The following FMN2 variants were observed in gnomAD, a reference collection of about 807,000 sequenced individuals.
FMN2 encodes the protein formin-2.
In FMN2, 51 loss-of-function variants were observed where a neutral mutation model predicts 142.3. That is an observed-to-expected ratio of 0.36 (90% CI 0.29 to 0.45). FMN2 has a LOEUF of 0.45. Among genes scored for constraint, FMN2 ranks in the 20% least tolerant of loss-of-function variants. The pLI, the probability that FMN2 is intolerant of heterozygous loss-of-function variation, is 1.00. For missense variants in FMN2, 1,936 were observed against 2,122.8 expected, an observed-to-expected ratio of 0.91 and a Z score of 1.73; for synonymous variants, 882 against 869.8, an observed-to-expected ratio of 1.01 and a Z score of -0.25.
intron 2 of FMN2, among the ~76,000 whole-genome samples, chr1:240,132,304 G>A (rs1186102483): frequency 6.6e-6 from 1 of 152,158 alleles, no homozygotes; most frequent in Non-Finnish European, 1.5e-5. Flanking sequence ...AAAATCATGA[G>A]CAAATAAATC....
intron 2 of FMN2, chr1:240,145,207 C>T: frequency 7.0e-7 from 1 of 1,430,018 alleles, no homozygotes; most frequent in African/African-American, 1.4e-5. Flanking sequence ...CAAGCATCTC[C>T]AGTTCATCTT....
intron 7 of FMN2, among the ~76,000 whole-genome samples, chr1:240,279,949 A>G (rs1014366836): frequency 6.6e-6 from 1 of 152,158 alleles, no homozygotes; most frequent in African/African-American, 2.4e-5. Flanking sequence ...TGTGGGTTTT[A>G]GATTTTTCAT....
In FMN2 at chr1:240,092,266, G is replaced by T; in HGVS notation, c.157G>T (p.Gly53Trp). ...GCTAGGCAAGCACGGCAAGGGGGGA[G>T]GGGGCGGCGGCGGCGGCGGGGAGTC... is the stretch of plus-strand genomic sequence containing the variant. ...KALGKHGKGG[G>W]GGGGGGESGK... The change falls in exon 1 of 18, where the codon GGG becomes TGG. Residue 53 changes from glycine (G) to tryptophan (W), a missense_variant. Around this residue, in one of 8 missense-constraint regions of FMN2, gnomAD observed 751 missense variants for 791.8 expected, o/e 0.95. Coordinates refer to ENST00000319653, the MANE Select transcript of FMN2 (RefSeq NM_020066.5). 5.3e-6 allele frequency: 8 copies of T among 1,516,422 alleles called. No homozygotes were observed. Among genetic ancestry groups the T allele is most frequent in the Non-Finnish European group, 7.0e-6 (8 of 1,136,186 alleles). 93.9% of individuals were successfully genotyped at this position (1,516,422 alleles called of 1,614,324 possible). A position where few individuals can be genotyped will look rare whatever the true frequency, so the allele number is the denominator to read the frequency against.
chr1:240,166,859 C>T (rs113414181), intron 2 of FMN2, among the ~76,000 whole-genome samples: 26,578 of 152,116 alleles, frequency 0.17, 2,502 homozygotes, highest in Middle Eastern at 0.27. Context: ...CAGCGGCTCA[C>T]GCCTGTAATC....
At position 240,207,697 on chromosome 1, in the gene FMN2, CA is replaced by C. The variant is rs768698094; in HGVS notation, c.2886del (p.Gly963AlafsTer312). 62 of 1,424,396 alleles carry C rather than the reference CA, an allele frequency of 4.4e-5. No individual in the cohort carries two copies. In the African/African-American group the frequency reaches 6.0e-4, roughly 14 times the overall value. 88.2% of individuals were successfully genotyped at this position (1,424,396 alleles called of 1,614,324 possible). A position where few individuals can be genotyped will look rare whatever the true frequency, so the allele number is the denominator to read the frequency against. ...CCCCCTCCGCCCCCTCTTCCCGGGG[CA>C]GGCATACCCCTTCCTCCCCCTCTTC... Reference protein sequence around the residue: ...AIPPPPPLPGAGIPLPPPLPG... With the variant: ...AIPPPPPLPGXGIPLPPPLPG... On this transcript the variant is annotated frameshift_variant, in exon 5 of 18. Coordinates refer to ENST00000319653, the MANE Select transcript of FMN2 (RefSeq NM_020066.5). LOFTEE classifies it high-confidence loss of function.
chr1:240,108,826 A>C lies in FMN2; in HGVS notation c.1616-14353A>C, dbSNP rs1199499802. On this transcript the variant is annotated intron_variant, in intron 1 of 17. Coordinates refer to ENST00000319653, the MANE Select transcript of FMN2 (RefSeq NM_020066.5). The stretch of plus-strand genomic sequence containing the variant: ...CGAGGCAGATGGATCATCTGAGGTC[A>C]GGAGTTCAAGATCAGCCTGGCCAAC... 3.3e-5 allele frequency among the ~76,000 whole-genome samples: 5 copies of C among 152,322 alleles called. No homozygotes were observed. The East Asian group carries it at 5.8e-4, about 18-fold the overall frequency.
chr1:240,231,841 C>T (rs1182301691), intron 6 of FMN2, among the ~76,000 whole-genome samples: 5 of 152,138 alleles, frequency 3.3e-5, no homozygotes, highest in Non-Finnish European at 5.9e-5. Flanking sequence ...CACATCTATC[C>T]GGTCTTATCA....
intron 1 of FMN2, among the ~76,000 whole-genome samples, chr1:240,103,873 A>T (rs899280989): frequency 2.6e-5 from 4 of 151,934 alleles, no homozygotes; most frequent in Admixed American, 2.0e-4. Flanking sequence ...ATATTAATAT[A>T]GACATTATTA....
At chr1:240,311,659 ACAT>A (rs1184962511) in intron 8 of FMN2, among the ~76,000 whole-genome samples, 1 of 152,224 alleles carries the variant, frequency 6.6e-6, no homozygotes. Context: ...ACTGCCTGTC[ACAT>A]CATAAAATTA....
intron 2 of FMN2, chr1:240,142,670 G>C (rs1340139313): frequency 1.1e-5 from 17 of 1,608,686 alleles, no homozygotes; most frequent in Non-Finnish European, 1.4e-5. Context: ...TGGTCACTTA[G>C]AGATCATAAT....
chr1:240,163,876 T>A (rs1047161277), intron 2 of FMN2, among the ~76,000 whole-genome samples: 3 of 151,922 alleles, frequency 2.0e-5, no homozygotes, highest in Admixed American at 6.6e-5. Flanking sequence ...TATTATTATT[T>A]TTATTTTTAT....
chr1:240,129,287 A>G (rs1166154224), intron 2 of FMN2, among the ~76,000 whole-genome samples: 1 of 152,206 alleles, frequency 6.6e-6, no homozygotes, highest in Non-Finnish European at 1.5e-5. Flanking sequence ...TTCAGCTCTA[A>G]GAGAATATAG....
chr1:240,149,354 T>G (rs1663666385), intron 2 of FMN2, among the ~76,000 whole-genome samples: 1 of 152,194 alleles, frequency 6.6e-6, no homozygotes, highest in African/African-American at 2.4e-5. Flanking sequence ...AGTATTTGAT[T>G]TGTAAGTTGT....
rs536875376 is a variant in FMN2 at position 240,413,883 on chromosome 1, G to A, written c.4910+21321G>A. ...CTTGTTCTCTGCCTTAACAACTGCC[G>A]TGAGGCTCCTTGCTCACTCTTATAA... On this transcript the variant is annotated intron_variant, in intron 15 of 17. Transcript: ENST00000319653. Among the ~76,000 whole-genome samples the A allele has an allele frequency of 2.4e-4, 36 of 152,288 alleles. 1 individual carries two copies. In the South Asian group the frequency reaches 5.6e-3, roughly 24 times the overall value.
chr1:240,177,444 C>T (rs143670343), intron 2 of FMN2, among the ~76,000 whole-genome samples: 30 of 151,132 alleles, frequency 2.0e-4, no homozygotes, highest in South Asian at 4.2e-4. Flanking sequence ...CCAGATAAGT[C>T]GGTTTCCTGG....
chr1:240,358,861 G>A (rs557029071), intron 14 of FMN2, among the ~76,000 whole-genome samples: 1 of 152,250 alleles, frequency 6.6e-6, no homozygotes, highest in East Asian at 1.9e-4. Flanking sequence ...TTAAGGCCAG[G>A]CCCAGTGGCT....
chr1:240,238,404 T>C (rs1462770419), intron 6 of FMN2, among the ~76,000 whole-genome samples: 1 of 152,204 alleles, frequency 6.6e-6, no homozygotes, highest in African/African-American at 2.4e-5. Flanking sequence ...TAAAACTTAT[T>C]TGGTGAATAC....
chr1:240,426,608 A>G (rs1384318342), intron 15 of FMN2, among the ~76,000 whole-genome samples: 3 of 152,202 alleles, frequency 2.0e-5, no homozygotes, highest in Non-Finnish European at 4.4e-5. Context: ...ATCAATTTGT[A>G]GTCAATTTGG....
chr1:240,337,043 A>C (rs111304417), intron 13 of FMN2, among the ~76,000 whole-genome samples: 34 of 152,094 alleles, frequency 2.2e-4, no homozygotes, highest in African/African-American at 6.8e-4. Context: ...AATCTGCCTC[A>C]TGTCCTTTTT....
Sources: allele counts gnomAD v4.1 joint callset (sites outside exome capture counted in the v4.1 genomes callset), GRCh38; gene constraint gnomAD v4.1.1; regional missense constraint gnomAD v4.1.1; transcripts MANE v1.5; gene names NCBI Gene and HGNC (gene_info 2026-07-23, HGNC 2026-07-21).